MCTP1: variants seen among roughly 807,000 people sequenced by gnomAD.
MCTP1 encodes the protein multiple C2 and transmembrane domain-containing protein 1.
MCTP1 carries 69 observed loss-of-function variants against 120.6 expected under a neutral mutation model. The observed-to-expected ratio is 0.57, with a 90% CI of 0.47 to 0.70. MCTP1 has a LOEUF of 0.70. MCTP1 is among the 30% of genes least tolerant of loss of function. The probability of loss-of-function intolerance (pLI) is 0.00; values close to 1 mark genes in which losing one functional copy is unlikely to be tolerated. For missense variants in MCTP1, 1,203 were observed against 1,248.8 expected (o/e 0.96, Z 0.55); for synonymous variants, 529 against 493.1 (o/e 1.07, Z -0.96).
chr5:95,166,914 A>ATTT (rs1746463066), intron 1 of MCTP1, among the ~76,000 whole-genome samples: 1 of 119,736 alleles, frequency 8.4e-6, no homozygotes, highest in African/African-American at 3.2e-5. Context: ...TTCCCTTTCT[A>ATTT]TTCTTTTTTT....
intron 19 of MCTP1, among the ~76,000 whole-genome samples, chr5:94,716,107 G>A (rs552629945): frequency 6.6e-6 from 1 of 152,238 alleles, no homozygotes; most frequent in South Asian, 2.1e-4. Context: ...AGGACAACAG[G>A]GTACACTGGG....
chr5:95,126,596 C>G (rs953317862), intron 1 of MCTP1, among the ~76,000 whole-genome samples: 3 of 152,166 alleles, frequency 2.0e-5, no homozygotes, highest in African/African-American at 7.2e-5. Flanking sequence ...TATGTAATGA[C>G]AGACTTGATC....
chr5:95,150,546 A>G (rs552283639), intron 1 of MCTP1, among the ~76,000 whole-genome samples: 51 of 152,348 alleles, frequency 3.3e-4, no homozygotes, highest in African/African-American at 1.2e-3. Flanking sequence ...GGATGAGAAA[A>G]GTTAAAATTA....
chr5:94,911,630 T>TGG (rs1259741339), intron 9 of MCTP1, among the ~76,000 whole-genome samples: 1 of 152,176 alleles, frequency 6.6e-6, no homozygotes, highest in African/African-American at 2.4e-5. Context: ...CTTGCAGAAC[T>TGG]GGGAGTCAGT....
In MCTP1 at chr5:94,799,071, A is replaced by G; in HGVS notation, c.2498T>C (p.Leu833Pro). The change falls in exon 18 of 23, where the codon CTA (leucine) becomes CCA (proline). Residue 833 changes from leucine to proline, a missense_variant. Transcript: ENST00000515393. Reference sequence around the variant, plus strand: ...TATCAAGAAGTAGTTCCATGTCAATAGTAACAACAAAACCAGTGGTATCAT... The same window carrying G: ...TATCAAGAAGTAGTTCCATGTCAATGGTAACAACAAAACCAGTGGTATCAT... ...LYMIPLVLLL[L>P]LTWNYFLIIS... 6.2e-7 allele frequency: 1 copy of G among 1,612,066 alleles called. No homozygotes were observed. Among genetic ancestry groups the G allele is most frequent in the East Asian group, 2.2e-5 (1 of 44,756 alleles).
At chr5:94,932,249 C>T (rs950376864) in intron 5 of MCTP1, among the ~76,000 whole-genome samples, 7 of 140,896 alleles carry the variant, frequency 5.0e-5, no homozygotes, top group Admixed American at 1.4e-4. Context: ...GGAACAGTAT[C>T]GGGATGCCTT....
At chr5:94,843,487 G>A (rs1791597495) in intron 17 of MCTP1, among the ~76,000 whole-genome samples, 2 of 152,210 alleles carry the variant, frequency 1.3e-5, no homozygotes, top group South Asian at 4.1e-4. Flanking sequence ...ACATGGGTGG[G>A]ATAAGAAAGG....
intron 1 of MCTP1, among the ~76,000 whole-genome samples, chr5:95,231,024 C>T (rs1270186055): frequency 1.3e-5 from 2 of 152,116 alleles, no homozygotes; most frequent in Admixed American, 6.5e-5. Context: ...ATTGACATTG[C>T]TGTTAGAGAA....
In MCTP1 at chr5:95,264,487, G is replaced by A. The variant is rs148520775; in HGVS notation, c.720+19369C>T. On this transcript the variant is annotated intron_variant, in intron 1 of 22. Coordinates refer to ENST00000515393, the MANE Select transcript of MCTP1 (RefSeq NM_024717.7). ...AGCTGAGTCCAGCAGCTCATAGATAGATTTTCTGGATGGCTGATTATTCAT... is the reference window on the plus strand; with the variant it reads ...AGCTGAGTCCAGCAGCTCATAGATAAATTTTCTGGATGGCTGATTATTCAT... Among the ~76,000 whole-genome samples, 803 of 152,306 alleles carry A rather than the reference G, an allele frequency of 5.3e-3. 7 individuals are homozygous for A. The highest frequency in any genetic ancestry group is 0.01 in the Middle Eastern group (3 of 294).
chr5:94,775,966 T>A (rs182996473), intron 19 of MCTP1, among the ~76,000 whole-genome samples: 5 of 106,886 alleles, frequency 4.7e-5, no homozygotes, highest in Non-Finnish European at 9.3e-5. Context: ...ATATTTATAT[T>A]ATATATATAT....
intron 2 of MCTP1, among the ~76,000 whole-genome samples, chr5:94,961,072 CA>C (rs1223430987): frequency 6.6e-6 from 1 of 152,112 alleles, no homozygotes; most frequent in Non-Finnish European, 1.5e-5. Flanking sequence ...CAGATATACA[CA>C]ATGGAATACT....
chr5:94,723,921 A>G (rs1761510078), intron 19 of MCTP1, among the ~76,000 whole-genome samples: 1 of 152,094 alleles, frequency 6.6e-6, no homozygotes, highest in South Asian at 2.1e-4. Context: ...AAAGAGAGAG[A>G]GAGGAAGACA....
chr5:95,016,211 C>T (rs951241829), intron 2 of MCTP1, among the ~76,000 whole-genome samples: 1 of 151,890 alleles, frequency 6.6e-6, no homozygotes, highest in Non-Finnish European at 1.5e-5. Flanking sequence ...GAGACAAGCT[C>T]TCACTGTGTT....
intron 1 of MCTP1, among the ~76,000 whole-genome samples, chr5:95,026,368 G>T (rs187125517): frequency 1.3e-3 from 196 of 151,986 alleles, no homozygotes; most frequent in African/African-American, 4.7e-3. Flanking sequence ...ACCCTGTTGT[G>T]CTGGCAAATT....
chr5:95,199,465 T>C (rs1750755323), intron 1 of MCTP1, among the ~76,000 whole-genome samples: 1 of 151,930 alleles, frequency 6.6e-6, no homozygotes, highest in South Asian at 2.1e-4. Context: ...GGCCAACAGG[T>C]GTACAAAAAA....
At chr5:94,848,618 T>A (rs1433170830) in intron 17 of MCTP1, among the ~76,000 whole-genome samples, 2 of 152,084 alleles carry the variant, frequency 1.3e-5, no homozygotes, top group Non-Finnish European at 2.9e-5. Flanking sequence ...AAGTTCCTTA[T>A]GATGATTGAA....
At chr5:94,941,085 T>G (rs1372360444) in intron 4 of MCTP1, among the ~76,000 whole-genome samples, 1 of 152,014 alleles carries the variant, frequency 6.6e-6, no homozygotes, top group African/African-American at 2.4e-5. Flanking sequence ...TTCCAAATTG[T>G]CACCATTTAA....
intron 19 of MCTP1, among the ~76,000 whole-genome samples, chr5:94,778,773 G>A (rs1420082391): frequency 6.6e-6 from 1 of 152,044 alleles, no homozygotes; most frequent in African/African-American, 2.4e-5. Flanking sequence ...AGCATGGCCC[G>A]ATTTGTAATA....
rs1263741373 is a variant in MCTP1, at chr5:94,954,187, T to TATATACATATATATATATGC, written c.839-827_839-826insGCATATATATATATGTATAT. ...ATATATACATATATATATATGCATA[T>TATATACATATATATATATGC]ATATATATATATATATATGCCATGG... On this transcript the variant is annotated intron_variant, in intron 2 of 22. Transcript: ENST00000515393. Among the ~76,000 whole-genome samples, 3 of 131,112 alleles carry TATATACATATATATATATGC rather than the reference T, an allele frequency of 2.3e-5. 1 individual carries two copies. Among genetic ancestry groups the TATATACATATATATATATGC allele is most frequent in the African/African-American group, 8.5e-5 (3 of 35,134 alleles). The allele number at this position is 131,112 out of a possible 152,430, so 86.0% of individuals were successfully genotyped here.
Sources: allele counts gnomAD v4.1 joint callset (sites outside exome capture counted in the v4.1 genomes callset), GRCh38; gene constraint gnomAD v4.1.1; transcripts MANE v1.5; gene names NCBI Gene and HGNC (gene_info 2026-07-23, HGNC 2026-07-21).